Variants in NIBAN2 observed in about 807,000 individuals in gnomAD.
NIBAN2 encodes the protein niban apoptosis regulator 2, also known as protein Niban 2.
In NIBAN2, 36 loss-of-function variants were observed where a neutral mutation model predicts 81.8. The ratio of observed to expected loss-of-function variants is 0.44; its 90% CI spans 0.34 to 0.58. The LOEUF (loss-of-function observed/expected upper bound fraction) is 0.58, where lower values mean the gene tolerates loss of function less well. NIBAN2 is among the 20% of genes least tolerant of loss of function. The probability of loss-of-function intolerance (pLI) is 0.02; values close to 1 mark genes in which losing one functional copy is unlikely to be tolerated. For missense variants in NIBAN2, 897 were observed against 1,014.1 expected (o/e 0.88, Z 1.57); for synonymous variants, 445 against 441.6 (o/e 1.01, Z -0.10).
At chr9:127,521,265 G>A (rs975398805) in intron 5 of NIBAN2, among the ~76,000 whole-genome samples, 3 of 152,236 alleles carry the variant, frequency 2.0e-5, no homozygotes, top group Non-Finnish European at 4.4e-5. Context: ...AGGCTACTCA[G>A]CTAGTGGATG....
At chr9:127,515,404 C>T (rs552068495) in intron 8 of NIBAN2, among the ~76,000 whole-genome samples, 2 of 152,004 alleles carry the variant, frequency 1.3e-5, no homozygotes, top group South Asian at 4.2e-4. Context: ...GCCTGTAGTC[C>T]CAGCTACTCA....
intron 1 of NIBAN2, among the ~76,000 whole-genome samples, chr9:127,578,758 A>G (rs1838039932): frequency 6.6e-6 from 1 of 151,896 alleles, no homozygotes; most frequent in Non-Finnish European, 1.5e-5. Flanking sequence ...TTGGGAGGTC[A>G]AGAAGTGAGG....
In NIBAN2 at chr9:127,518,030, C is replaced by G. The variant is rs947865852; in HGVS notation, c.590-89G>C. 64 of 749,502 alleles carry G rather than the reference C, an allele frequency of 8.5e-5. 1 individual carries two copies. The highest frequency in any genetic ancestry group is 4.6e-5 in the Non-Finnish European group (21 of 460,550). The allele number at this position is 749,502 out of a possible 1,614,324, so 46.4% of individuals were successfully genotyped here. Reference sequence around the variant, plus strand: ...ACTGAGAACTGACCAAAACCCCCCCCACACACATGGCATGCACCTCAGGAG... The same window carrying G: ...ACTGAGAACTGACCAAAACCCCCCCGACACACATGGCATGCACCTCAGGAG... On this transcript the variant is annotated intron_variant, in intron 5 of 13. Coordinates refer to ENST00000373312, the MANE Select transcript of NIBAN2 (RefSeq NM_022833.4).
chr9:127,567,747 G>A (rs1837883790), intron 1 of NIBAN2, among the ~76,000 whole-genome samples: 1 of 152,130 alleles, frequency 6.6e-6, no homozygotes, highest in Admixed American at 6.5e-5. Context: ...CACCTGAACC[G>A]TCACCCCACA....
chr9:127,558,730 A>G (rs1484936035), intron 1 of NIBAN2, among the ~76,000 whole-genome samples: 1 of 152,188 alleles, frequency 6.6e-6, no homozygotes, highest in Non-Finnish European at 1.5e-5. Flanking sequence ...AAGCAAAAAC[A>G]AAAAGCAAAA....
chr9:127,528,963 C>T (rs1453441518), intron 2 of NIBAN2, among the ~76,000 whole-genome samples: 1 of 152,240 alleles, frequency 6.6e-6, no homozygotes, highest in Non-Finnish European at 1.5e-5. Flanking sequence ...CAGGCAGGCT[C>T]AACAACCCCC....
At chr9:127,538,085 C>T (rs1200334031) in intron 1 of NIBAN2, among the ~76,000 whole-genome samples, 1 of 152,222 alleles carries the variant, frequency 6.6e-6, no homozygotes, top group Non-Finnish European at 1.5e-5. Context: ...AAACTCACAA[C>T]ACACACTTGT....
intron 2 of NIBAN2, among the ~76,000 whole-genome samples, chr9:127,529,807 A>C (rs935875794): frequency 6.6e-6 from 1 of 152,096 alleles, no homozygotes; most frequent in Admixed American, 6.5e-5. Context: ...CAGTATTATG[A>C]TGTTATCATA....
At position 127,536,786 on chromosome 9, in the gene NIBAN2, C is replaced by T. The variant is rs545059592; in HGVS notation, c.56-5008G>A. ...GTTCGAGCCATAGTCGGCTGCATGC[C>T]ACCCTCCTGGTCCTAGCTCTGGCCA... is the stretch of plus-strand genomic sequence containing the variant. On this transcript the variant is annotated intron_variant, in intron 1 of 13. Transcript: ENST00000373312. The surrounding 1 kb of genome is among the most constrained non-coding windows in gnomAD (Gnocchi z 4.0). 2.5e-4 allele frequency among the ~76,000 whole-genome samples: 38 copies of T among 152,238 alleles called. No homozygotes were observed. Among genetic ancestry groups the T allele is most frequent in the Non-Finnish European group, 2.5e-4 (17 of 68,044 alleles).
Position 127,517,678 on chromosome 9 carries a change from G to A in NIBAN2, c.705+148C>T. ...GACAGCGAGTATCTCCACGTGCACT[G>A]GCCCTGCACTTGTCCAAATCTAAGC... On this transcript the variant is annotated intron_variant, in intron 6 of 13. Transcript: ENST00000373312. The surrounding 1 kb of genome is among the most constrained non-coding windows in gnomAD (Gnocchi z 4.0). The A allele has an allele frequency of 1.5e-6, 1 of 651,606 alleles. No homozygotes were observed. The highest frequency in any genetic ancestry group is 2.7e-6 in the Non-Finnish European group (1 of 366,138). 40.4% of individuals were successfully genotyped at this position (651,606 alleles called of 1,614,324 possible).
chr9:127,549,591 T>C (rs566376703), intron 1 of NIBAN2, among the ~76,000 whole-genome samples: 1 of 151,868 alleles, frequency 6.6e-6, no homozygotes, highest in East Asian at 1.9e-4. Context: ...TCTCAGTGAG[T>C]GGGACTGGGG....
At chr9:127,513,338 A>T (rs2132159051) in intron 8 of NIBAN2, among the ~76,000 whole-genome samples, 1 of 152,170 alleles carries the variant, frequency 6.6e-6, no homozygotes, top group South Asian at 2.1e-4. Context: ...GTTAATGGGC[A>T]CAAAAAGTAG....
chr9:127,549,206 G>T (rs548005640), intron 1 of NIBAN2, among the ~76,000 whole-genome samples: 3 of 152,310 alleles, frequency 2.0e-5, no homozygotes, highest in Admixed American at 2.0e-4. Context: ...AAACCCCACA[G>T]ATCTCATCAG....
intron 5 of NIBAN2, among the ~76,000 whole-genome samples, chr9:127,521,314 C>T (rs1415160907): frequency 6.6e-6 from 1 of 152,160 alleles, no homozygotes; most frequent in African/African-American, 2.4e-5. Context: ...CTGACTCTAG[C>T]CAGACCTGGA....
chr9:127,557,014 C>T (rs1031748005), intron 1 of NIBAN2, among the ~76,000 whole-genome samples: 1 of 152,182 alleles, frequency 6.6e-6, no homozygotes, highest in Non-Finnish European at 1.5e-5. Flanking sequence ...GAGGTTGAGG[C>T]TGCAGTAAGC....
At chr9:127,531,942 G>A (rs1837192561) in intron 1 of NIBAN2, among the ~76,000 whole-genome samples, 164 bp from the exon 2 acceptor site, 1 of 152,228 alleles carries the variant, frequency 6.6e-6, no homozygotes, top group African/African-American at 2.4e-5. Context: ...CCAGAGCCCC[G>A]CGTTTCCTGT....
intron 1 of NIBAN2, among the ~76,000 whole-genome samples, chr9:127,576,826 C>A (rs7875375): frequency 0.014 from 2,193 of 151,402 alleles, 53 homozygotes; most frequent in African/African-American, 0.049. Flanking sequence ...TTACTGCAAC[C>A]TCAGCCTCCC....
In NIBAN2 at chr9:127,527,613, C is replaced by A. The variant is rs114392578; in HGVS notation, c.187-291G>T. Among the ~76,000 whole-genome samples the A allele has an allele frequency of 6.5e-3, 986 of 152,282 alleles. 6 individuals carry two copies. Among genetic ancestry groups the A allele is most frequent in the African/African-American group, 0.023 (948 of 41,574 alleles). Reference sequence around the variant, plus strand: ...GCACTGATGTAGGGCCTGGCCACAGCCAGGCTCTCCCTCTCCATCCCAGCC... The same window carrying A: ...GCACTGATGTAGGGCCTGGCCACAGACAGGCTCTCCCTCTCCATCCCAGCC... On this transcript the variant is annotated intron_variant, in intron 2 of 13. Coordinates refer to ENST00000373312, the MANE Select transcript of NIBAN2 (RefSeq NM_022833.4).
chr9:127,534,480 G>A (rs1423103278), intron 1 of NIBAN2, among the ~76,000 whole-genome samples: 1 of 152,196 alleles, frequency 6.6e-6, no homozygotes, highest in Non-Finnish European at 1.5e-5. Flanking sequence ...GTCCCCACCA[G>A]GAGGTGGTGG....
Sources: gnomAD v4.1 joint callset for allele counts (sites outside exome capture counted in the v4.1 genomes callset) on GRCh38, gnomAD v4.1.1 for gene constraint, Gnocchi (gnomAD v3.1) non-coding constraint, MANE v1.5 for transcripts, NCBI Gene and HGNC (gene_info 2026-07-23, HGNC 2026-07-21) for gene names.